The following OVCH1 variants were observed in gnomAD, a reference collection of about 807,000 sequenced individuals.
OVCH1 encodes the protein ovochymase-1.
In OVCH1, 139 loss-of-function variants were observed where a neutral mutation model predicts 138.4. The observed-to-expected ratio is 1.00, with a 90% CI of 0.87 to 1.16. OVCH1 has a LOEUF of 1.16. Ranked by LOEUF, OVCH1 falls within the 50% of genes most tolerant of loss-of-function variation. The pLI is 0.00. For missense variants in OVCH1, 1,367 were observed against 1,357.9 expected, an observed-to-expected ratio of 1.01 and a Z score of -0.11; for synonymous variants, 453 against 467.8, an observed-to-expected ratio of 0.97 and a Z score of 0.41.
intron 19 of OVCH1, among the ~76,000 whole-genome samples, chr12:29,460,132 G>C (rs1479265739): frequency 1.3e-5 from 2 of 152,178 alleles, no homozygotes; most frequent in Non-Finnish European, 2.9e-5. Context: ...TGCAGCCAAA[G>C]TGACAGTTGT....
At chr12:29,457,553 A>G (rs978844472) in intron 19 of OVCH1, among the ~76,000 whole-genome samples, 2 of 151,146 alleles carry the variant, frequency 1.3e-5, no homozygotes, top group Non-Finnish European at 3.0e-5. Flanking sequence ...ACAGACGCGC[A>G]CCGTCAAGCC....
At chr12:29,475,032 G>T (rs1411285167) in intron 14 of OVCH1, 29 bp downstream of exon 14, 2 of 1,565,104 alleles carry the variant, frequency 1.3e-6, no homozygotes, top group Non-Finnish European at 1.7e-6. Context: ...ATAAACAAAA[G>T]TCCTTATTAC....
chr12:29,494,719 AAAAC>A (rs1445548531), intron 4 of OVCH1, among the ~76,000 whole-genome samples: 6 of 152,200 alleles, frequency 3.9e-5, no homozygotes, highest in African/African-American at 1.4e-4. Context: ...CAAGCAGAGA[AAAAC>A]AAATATCACA....
intron 21 of OVCH1, among the ~76,000 whole-genome samples, chr12:29,453,712 T>C (rs1380527637): frequency 6.6e-6 from 1 of 152,124 alleles, no homozygotes; most frequent in African/African-American, 2.4e-5. Flanking sequence ...AACCACTTTT[T>C]CACATACACT....
At chr12:29,439,470 AC>A (rs1941431622) in intron 25 of OVCH1, 3 of 1,469,520 alleles carry the variant, frequency 2.0e-6, no homozygotes, top group Non-Finnish European at 2.7e-6. Flanking sequence ...AAACAAACAA[AC>A]AAAAAACAAA....
chr12:29,485,149 T>C (rs1943052777), intron 8 of OVCH1, among the ~76,000 whole-genome samples: 1 of 151,878 alleles, frequency 6.6e-6, no homozygotes, highest in Non-Finnish European at 1.5e-5. Flanking sequence ...GGCGGTTGCA[T>C]CACTTGAGGT....
chr12:29,454,982 A>G, intron 20 of OVCH1, 49 bp from the exon 21 acceptor site: 2 of 1,469,888 alleles, frequency 1.4e-6, no homozygotes, highest in South Asian at 1.2e-5. Context: ...GCCTGAGAAC[A>G]AAATATAGTG....
chr12:29,489,575 C>G (rs750433674), intron 6 of OVCH1, 45 bp downstream of exon 6: 27 of 1,534,048 alleles, frequency 1.8e-5, no homozygotes, highest in Non-Finnish European at 2.4e-5. Context: ...AATCTACTTT[C>G]ACCCACATGT....
At chr12:29,441,110 A>C (rs1322076113) in intron 25 of OVCH1, among the ~76,000 whole-genome samples, 1 of 152,178 alleles carries the variant, frequency 6.6e-6, no homozygotes, top group Non-Finnish European at 1.5e-5. Context: ...GGTGTCCAGA[A>C]ATGTTGGTTG....
rs367800548 is a variant in OVCH1 at position 29,419,441 on chromosome 12, C to G, written c.*71+3686G>C. Among the ~76,000 whole-genome samples, 9 of 117,782 alleles carry G rather than the reference C, an allele frequency of 7.6e-5. No individual in the cohort carries two copies. In the East Asian group the frequency reaches 2.0e-3, roughly 27 times the overall value. 77.3% of individuals were successfully genotyped at this position (117,782 alleles called of 152,430 possible). A position where few individuals can be genotyped will look rare whatever the true frequency, so the allele number is the denominator to read the frequency against. ...TAGCTGGGACTACAGGTGCCCGCCA[C>G]CATGCCCGGCTAATTTTTTTTTTTT... On this transcript the variant is annotated intron_variant and NMD_transcript_variant, in intron 3 of 4. Coordinates refer to the OVCH1 transcript ENST00000539117.
At chr12:29,405,088 A>G in the OVCH1 span, among the ~76,000 whole-genome samples, 1 of 149,762 alleles carries the variant, frequency 6.7e-6, no homozygotes, top group Non-Finnish European at 1.5e-5. Context: ...TAGGTCAAAA[A>G]CCATTGAATA....
intron 22 of OVCH1, among the ~76,000 whole-genome samples, chr12:29,447,192 C>T (rs950677060): frequency 1.3e-5 from 2 of 151,958 alleles, no homozygotes; most frequent in African/African-American, 2.4e-5. Flanking sequence ...AAGCTGGGTA[C>T]AGTAGCACAT....
intron 25 of OVCH1, among the ~76,000 whole-genome samples, chr12:29,440,367 C>G (rs575436250): frequency 6.6e-6 from 1 of 152,080 alleles, no homozygotes; most frequent in Non-Finnish European, 1.5e-5. Flanking sequence ...TGCTAATGTA[C>G]TCTTCCTTCT....
chr12:29,435,786 A>G (rs1030712401), intron 26 of OVCH1, among the ~76,000 whole-genome samples: 18 of 152,140 alleles, frequency 1.2e-4, no homozygotes, highest in Non-Finnish European at 1.3e-4. Context: ...AGGCTGCTAA[A>G]TGGTTTGAAT....
chr12:29,481,647 GA>G (rs1206112162), intron 8 of OVCH1, among the ~76,000 whole-genome samples: 1 of 152,072 alleles, frequency 6.6e-6, no homozygotes, highest in Non-Finnish European at 1.5e-5. Context: ...TGTGTTCTCA[GA>G]AAGCTTACTT....
At chr12:29,449,271 CT>C (rs1336559097) in intron 22 of OVCH1, among the ~76,000 whole-genome samples, 1 of 133,366 alleles carries the variant, frequency 7.5e-6, no homozygotes, top group East Asian at 2.3e-4. Context: ...TTTTTCCCCC[CT>C]CCCTACACAC....
intron 22 of OVCH1, among the ~76,000 whole-genome samples, chr12:29,450,556 A>C (rs923586824): frequency 6.6e-6 from 1 of 152,240 alleles, no homozygotes; most frequent in Non-Finnish European, 1.5e-5. Flanking sequence ...AAATGCTTTT[A>C]CACTGTTGGT....
intron 20 of OVCH1, 82 bp downstream of exon 20, chr12:29,455,167 C>T: frequency 2.1e-6 from 3 of 1,453,110 alleles, no homozygotes; most frequent in Non-Finnish European, 2.8e-6. Context: ...CTCTTTCATG[C>T]TAATTTATAC....
intron 3 of OVCH1, among the ~76,000 whole-genome samples, chr12:29,419,000 CCA>C (rs943147809): frequency 6.6e-6 from 1 of 151,886 alleles, no homozygotes; most frequent in Non-Finnish European, 1.5e-5. Context: ...GACTACAAGC[CCA>C]CACCACTATG....
Sources: gnomAD v4.1 joint callset for allele counts (sites outside exome capture counted in the v4.1 genomes callset) on GRCh38, gnomAD v4.1.1 for gene constraint, MANE v1.5 for transcripts, NCBI Gene and HGNC (gene_info 2026-07-23, HGNC 2026-07-21) for gene names.